Variants in ARHGEF7 observed in about 807,000 individuals in gnomAD.
ARHGEF7 encodes the protein Rho guanine nucleotide exchange factor 7.
In ARHGEF7, 33 loss-of-function variants were observed where a neutral mutation model predicts 109.8. That is an observed-to-expected ratio of 0.30 (90% CI 0.23 to 0.40). The LOEUF is 0.40. ARHGEF7 is among the 10% of genes least tolerant of loss of function. The pLI is 1.00. For synonymous variants in ARHGEF7, 458 were observed against 424.6 expected (o/e 1.08, Z -0.97); for missense variants, 938 against 1,098.5 (o/e 0.85, Z 2.07).
In ARHGEF7 at chr13:111,183,302, A is replaced by G. The variant is rs2078942744; in HGVS notation, c.253-21987A>G. 2.0e-5 allele frequency among the ~76,000 whole-genome samples: 3 copies of G among 151,850 alleles called. No individual in the cohort carries two copies. The South Asian group carries it at 6.2e-4, about 32-fold the overall frequency. ...TAGAAATTAAGTGCAGAAGGCAGAC[A>G]GCTATAGCATTCTATAGCATTTGGA... is the stretch of plus-strand genomic sequence containing the variant. On this transcript the variant is annotated intron_variant, in intron 2 of 21. Transcript: ENST00000646102.
At chr13:111,173,770 CT>C (rs973895823) in intron 2 of ARHGEF7, among the ~76,000 whole-genome samples, 6 of 151,810 alleles carry the variant, frequency 4.0e-5, no homozygotes. Flanking sequence ...CATTTGCTAC[CT>C]GCAGCACCTG....
chr13:111,201,772 G>C (rs2081236558), intron 2 of ARHGEF7, among the ~76,000 whole-genome samples: 1 of 152,126 alleles, frequency 6.6e-6, no homozygotes, highest in South Asian at 2.1e-4. Flanking sequence ...GCTCTGCTCC[G>C]TAGTCTCAGC....
intron 2 of ARHGEF7, among the ~76,000 whole-genome samples, chr13:111,185,412 C>T (rs1323927251): frequency 6.6e-6 from 1 of 152,206 alleles, no homozygotes; most frequent in Middle Eastern, 3.2e-3. Context: ...GGTTCTTTCT[C>T]TGTTAATTTT....
intron 2 of ARHGEF7, among the ~76,000 whole-genome samples, chr13:111,201,832 T>C (rs926316293): frequency 6.6e-6 from 1 of 152,062 alleles, no homozygotes; most frequent in Non-Finnish European, 1.5e-5. Context: ...CGTGCCGCAT[T>C]GTGTTGTGCG....
At chr13:111,215,920 C>A (rs902158179) in intron 4 of ARHGEF7, among the ~76,000 whole-genome samples, 1 of 151,922 alleles carries the variant, frequency 6.6e-6, no homozygotes, top group Admixed American at 6.6e-5. Context: ...TGTTAATTCC[C>A]CTGTTTTGGA....
In ARHGEF7 at chr13:111,239,141, G is replaced by A. The variant is rs1052075556; in HGVS notation, c.760-4731G>A. Among the ~76,000 whole-genome samples the A allele has an allele frequency of 8.5e-5, 13 of 152,128 alleles. No homozygotes were observed. The highest frequency in any genetic ancestry group is 1.5e-5 in the Non-Finnish European group (1 of 67,972). ...CGTGCCCCTGCTCCCCCACACCCCC[G>A]TGCCATGATTCAGTTACCTCCACCC... On this transcript the variant is annotated intron_variant, in intron 6 of 21. Coordinates refer to ENST00000646102, the MANE Select transcript of ARHGEF7 (RefSeq NM_001354046.2). The surrounding 1 kb of genome is among the most constrained non-coding windows in gnomAD (Gnocchi z 4.3).
chr13:111,246,087 G>A (rs1212146890), intron 8 of ARHGEF7, among the ~76,000 whole-genome samples: 1 of 152,080 alleles, frequency 6.6e-6, no homozygotes, highest in East Asian at 1.9e-4. Flanking sequence ...TTTTTTCTGT[G>A]TGACTATTTT....
intron 2 of ARHGEF7, among the ~76,000 whole-genome samples, chr13:111,195,672 C>G (rs749570086): frequency 2.6e-5 from 4 of 152,184 alleles, no homozygotes; most frequent in Non-Finnish European, 4.4e-5. Flanking sequence ...AGAACCATTG[C>G]ACTCTGGGGC....
At chr13:111,282,924 G>A (rs997704711) in intron 15 of ARHGEF7, 13 of 690,394 alleles carry the variant, frequency 1.9e-5, no homozygotes, top group African/African-American at 1.6e-4. Context: ...GGCAGACGCC[G>A]TGAGGAGCCC....
intron 18 of ARHGEF7, among the ~76,000 whole-genome samples, chr13:111,290,478 C>T (rs1056066195): frequency 6.6e-6 from 1 of 152,264 alleles, no homozygotes; most frequent in East Asian, 1.9e-4. Flanking sequence ...GGGACTGGAG[C>T]GTCTGAGGAT....
Position 111,305,104 on chromosome 13 carries a change from G to A in ARHGEF7, c.*1991G>A, listed in dbSNP as rs142927209. The A allele has an allele frequency of 1.3e-5, 2 of 152,328 alleles. No individual in the cohort carries two copies. Among genetic ancestry groups the A allele is most frequent in the Non-Finnish European group, 2.9e-5 (2 of 68,048 alleles). The allele number at this position is 152,328 out of a possible 1,614,324, so 9.4% of individuals were successfully genotyped here. On this transcript the variant is annotated 3_prime_UTR_variant, in exon 22 of 22. Coordinates refer to ENST00000646102, the MANE Select transcript of ARHGEF7 (RefSeq NM_001354046.2). Reference sequence around the variant, plus strand: ...GCAGACCTGCCTTAATGCTCAGATCGAAGTATTTCACAAGAATACTTGTGT... The same window carrying A: ...GCAGACCTGCCTTAATGCTCAGATCAAAGTATTTCACAAGAATACTTGTGT...
At chr13:111,153,561 G>C in intron 1 of ARHGEF7, 1 of 1,002,356 alleles carries the variant, frequency 1.0e-6, no homozygotes, top group African/African-American at 1.7e-5. Context: ...CGGCAAAGCA[G>C]GGTGGGCTGC....
intron 1 of ARHGEF7, among the ~76,000 whole-genome samples, chr13:111,127,846 C>G (rs550470038): frequency 6.6e-6 from 1 of 152,062 alleles, no homozygotes; most frequent in Non-Finnish European, 1.5e-5. Context: ...AAATCAATTT[C>G]AGCATTACAT....
chr13:111,282,255 C>T (rs932980138), intron 15 of ARHGEF7, among the ~76,000 whole-genome samples: 2 of 152,192 alleles, frequency 1.3e-5, no homozygotes, highest in African/African-American at 4.8e-5. Flanking sequence ...GGCCCCACTC[C>T]GTTTCCAGTT....
Position 111,115,583 on chromosome 13 carries a change from G to C in ARHGEF7, c.57G>C (p.Ser19=). 1.4e-6 allele frequency: 2 copies of C among 1,424,436 alleles called. No homozygotes were observed. The highest frequency in any genetic ancestry group is 1.9e-6 in the Non-Finnish European group (2 of 1,072,766). 88.2% of individuals were successfully genotyped at this position (1,424,436 alleles called of 1,614,324 possible). ...TWLITLGVLE[S]PKKTISDPEG... The stretch of plus-strand genomic sequence containing the variant: ...TCATCACTCTGGGGGTGCTGGAGTC[G>C]CCCAAAAAAACCATCTCGGACCCGG... The change falls in exon 1 of 22, where the codon TCG becomes TCC. Residue 19 remains serine, a synonymous_variant. Coordinates refer to ENST00000646102, the MANE Select transcript of ARHGEF7 (RefSeq NM_001354046.2).
At chr13:111,165,558 T>C (rs2077061475) in intron 2 of ARHGEF7, among the ~76,000 whole-genome samples, 1 of 152,190 alleles carries the variant, frequency 6.6e-6, no homozygotes, top group African/African-American at 2.4e-5. Flanking sequence ...ACCAGAAGGC[T>C]TGGAGGAACA....
At chr13:111,267,695 A>G (rs766712384) in intron 9 of ARHGEF7, 25 bp downstream of exon 9, 20 of 1,612,286 alleles carry the variant, frequency 1.2e-5, no homozygotes, top group Admixed American at 1.7e-5. Flanking sequence ...CACCTTGGCA[A>G]CAGGGAGGGT....
At chr13:111,191,275 T>C (rs534397644) in intron 2 of ARHGEF7, among the ~76,000 whole-genome samples, 1 of 152,104 alleles carries the variant, frequency 6.6e-6, no homozygotes, top group Non-Finnish European at 1.5e-5. Flanking sequence ...GATGGGGTGG[T>C]AGGTGCCCCA....
chr13:111,199,678 T>C (rs994670855), intron 2 of ARHGEF7, among the ~76,000 whole-genome samples: 1 of 152,212 alleles, frequency 6.6e-6, no homozygotes, highest in African/African-American at 2.4e-5. Flanking sequence ...TATGCTAAAA[T>C]AGAATTCCTT....
Sources: gnomAD v4.1 joint callset for allele counts (sites outside exome capture counted in the v4.1 genomes callset) on GRCh38, gnomAD v4.1.1 for gene constraint, Gnocchi (gnomAD v3.1) non-coding constraint, MANE v1.5 for transcripts, NCBI Gene and HGNC (gene_info 2026-07-23, HGNC 2026-07-21) for gene names.